TAF15: variants seen among roughly 807,000 people sequenced by gnomAD.
The protein encoded by TAF15 is TATA-binding protein-associated factor 2N.
Under a neutral mutation model 102.5 loss-of-function variants are expected in TAF15, and 37 were observed. That is an observed-to-expected ratio of 0.36 (90% CI 0.28 to 0.47). The LOEUF (loss-of-function observed/expected upper bound fraction) is 0.47. Among genes scored for constraint, TAF15 ranks in the 20% least tolerant of loss-of-function variants. The probability of loss-of-function intolerance (pLI) is 0.99; values close to 1 mark genes in which losing one functional copy is unlikely to be tolerated. For synonymous variants in TAF15, 273 were observed against 259.2 expected (o/e 1.05, Z -0.51); for missense variants, 652 against 760.7 (o/e 0.86, Z 1.68).
At chr17:35,809,900 G>A in intron 1 of TAF15, 3 of 545,740 alleles carry the variant, frequency 5.5e-6, no homozygotes, top group Non-Finnish European at 9.9e-6. Context: ...AGGGGCGGGG[G>A]GAGCCGAGAT....
At chr17:35,837,591 G>C (rs929472901) in intron 10 of TAF15, among the ~76,000 whole-genome samples, 2 of 152,048 alleles carry the variant, frequency 1.3e-5, no homozygotes, top group African/African-American at 4.8e-5. Flanking sequence ...ACTTTGGGAG[G>C]CCAAGGCGGG....
intron 3 of TAF15, 31 bp from the exon 4 acceptor site, chr17:35,820,133 G>C: frequency 1.2e-6 from 2 of 1,613,334 alleles, no homozygotes; most frequent in Non-Finnish European, 1.7e-6. Context: ...TTAAGTAGGT[G>C]ATGAAACTTG....
intron 7 of TAF15, among the ~76,000 whole-genome samples, chr17:35,824,822 G>A (rs1284471623): frequency 2.0e-5 from 3 of 152,036 alleles, no homozygotes; most frequent in African/African-American, 7.2e-5. Flanking sequence ...CTCCATGCTA[G>A]TGTTATCAGG....
chr17:35,834,331 G>T, intron 8 of TAF15: 1 of 521,172 alleles, frequency 1.9e-6, no homozygotes, highest in Non-Finnish European at 3.4e-6. Flanking sequence ...CTAGCATAAT[G>T]CTAAAGTGGC....
intron 7 of TAF15, among the ~76,000 whole-genome samples, chr17:35,832,287 T>C (rs997539608): frequency 6.6e-6 from 1 of 152,196 alleles, no homozygotes; most frequent in Non-Finnish European, 1.5e-5. Context: ...AGGAAGGGCC[T>C]GAGTTTCATA....
chr17:35,840,506 C>T (rs2087531086), intron 11 of TAF15, among the ~76,000 whole-genome samples: 1 of 150,976 alleles, frequency 6.6e-6, no homozygotes, highest in Admixed American at 6.6e-5. Flanking sequence ...CCCGCCTCAG[C>T]CTCCCAAAGT....
At chr17:35,813,728 G>T (rs1483228344) in intron 1 of TAF15, among the ~76,000 whole-genome samples, 1 of 150,234 alleles carries the variant, frequency 6.7e-6, no homozygotes, top group Non-Finnish European at 1.5e-5. Context: ...AGAAAATGGA[G>T]GAAGAATCAA....
intron 7 of TAF15, among the ~76,000 whole-genome samples, chr17:35,829,606 T>C (rs2087374654): frequency 8.8e-6 from 1 of 114,200 alleles, no homozygotes; most frequent in Admixed American, 1.3e-4. Context: ...TACTCTGGCC[T>C]GGGAGACAGA....
chr17:35,813,495 A>G (rs1246028673), intron 1 of TAF15, among the ~76,000 whole-genome samples: 2 of 151,970 alleles, frequency 1.3e-5, no homozygotes, highest in African/African-American at 4.8e-5. Flanking sequence ...GATCAGCTGA[A>G]TGTGGCGGTA....
chr17:35,826,397 T>G (rs2087327423), intron 7 of TAF15, among the ~76,000 whole-genome samples: 1 of 152,132 alleles, frequency 6.6e-6, no homozygotes, highest in African/African-American at 2.4e-5. Flanking sequence ...AAAGGCCAGA[T>G]AGTAAATGTT....
chr17:35,812,499 C>T (rs1241485495), intron 1 of TAF15, among the ~76,000 whole-genome samples: 1 of 147,936 alleles, frequency 6.8e-6, no homozygotes, highest in African/African-American at 2.5e-5. Flanking sequence ...GCAGGAGAAT[C>T]GCTTGAACCT....
intron 7 of TAF15, among the ~76,000 whole-genome samples, chr17:35,825,772 C>T (rs2087317561): frequency 6.6e-6 from 1 of 152,088 alleles, no homozygotes. Context: ...CACAGTGAAA[C>T]CCCGTCTCTA....
intron 1 of TAF15, among the ~76,000 whole-genome samples, chr17:35,814,171 AT>A (rs113435798): frequency 4.5e-4 from 66 of 145,264 alleles, no homozygotes; most frequent in East Asian, 8.0e-4. Flanking sequence ...CCAAAAGGTG[AT>A]TTTTTTTTTT....
At chr17:35,838,840 T>C (rs939211871) in intron 11 of TAF15, among the ~76,000 whole-genome samples, 1 of 152,184 alleles carries the variant, frequency 6.6e-6, no homozygotes, top group South Asian at 2.1e-4. Context: ...AAAATAAATT[T>C]AAAAGGTACA....
intron 1 of TAF15, among the ~76,000 whole-genome samples, chr17:35,813,117 CAAA>C (rs55754009): frequency 1.7e-4 from 10 of 58,940 alleles, no homozygotes; most frequent in Admixed American, 5.7e-4. Context: ...GACTCTGTCT[CAAA>C]AAAAAAAAAA....
chr17:35,817,840 G>C, intron 2 of TAF15, 85 bp downstream of exon 2: 1 of 1,186,302 alleles, frequency 8.4e-7, no homozygotes, highest in East Asian at 2.3e-5. Flanking sequence ...ACTTGATGCT[G>C]GATGTCATAA....
chr17:35,828,678 C>T (rs1339174891), intron 7 of TAF15, among the ~76,000 whole-genome samples: 3 of 151,522 alleles, frequency 2.0e-5, no homozygotes, highest in African/African-American at 7.3e-5. Flanking sequence ...CTGCAGTGAG[C>T]TATGATTGTG....
At chr17:35,820,120 A>G (rs182719764) in intron 3 of TAF15, 44 bp from the exon 4 acceptor site, 2 of 1,613,680 alleles carry the variant, frequency 1.2e-6, no homozygotes, top group East Asian at 2.2e-5. Flanking sequence ...AGTTATTTTT[A>G]TCTTAAGTAG....
intron 1 of TAF15, among the ~76,000 whole-genome samples, chr17:35,816,073 T>C (rs1031887962): frequency 6.6e-6 from 1 of 152,174 alleles, no homozygotes; most frequent in Non-Finnish European, 1.5e-5. Flanking sequence ...GCAGTACTCC[T>C]GTCCTGGCCA....
Sources: gnomAD v4.1 joint callset for allele counts (sites outside exome capture counted in the v4.1 genomes callset) on GRCh38, gnomAD v4.1.1 for gene constraint, MANE v1.5 for transcripts, NCBI Gene and HGNC (gene_info 2026-07-23, HGNC 2026-07-21) for gene names.